The following VGLL3 variants were observed in gnomAD, a reference collection of about 807,000 sequenced individuals.
VGLL3 encodes vestigial like family member 3, also known as transcription cofactor vestigial-like protein 3.
In VGLL3, 18 loss-of-function variants were observed where a neutral mutation model predicts 29.2. The observed-to-expected ratio is 0.62, with a 90% confidence interval of 0.43 to 0.91. The LOEUF is 0.91. Ranked by LOEUF, VGLL3 falls within the 40% of genes least tolerant of loss-of-function variation. VGLL3 has a pLI of 0.00. For synonymous variants in VGLL3, 180 were observed against 151.8 expected, an observed-to-expected ratio of 1.19 and a Z score of -1.36; for missense variants, 440 against 413.2, an observed-to-expected ratio of 1.06 and a Z score of -0.56.
At chr3:86,957,067 C>CGTAAGCATAATGGGATA (rs1212772939) in intron 3 of VGLL3, among the ~76,000 whole-genome samples, 3 of 151,980 alleles carry the variant, frequency 2.0e-5, no homozygotes, top group Non-Finnish European at 4.4e-5. Flanking sequence ...CTCAACAATA[C>CGTAAGCATAATGGGATA]GTAAGCATAA....
At position 86,941,244 on chromosome 3, in the gene VGLL3, T is replaced by A. The variant is rs1180255929; in HGVS notation, c.*5780A>T. 1 of 152,432 alleles carries A rather than the reference T, an allele frequency of 6.6e-6. No homozygotes were observed. The highest frequency in any genetic ancestry group is 6.6e-5 in the Admixed American group (1 of 15,252). The allele number at this position is 152,432 out of a possible 1,614,324, so 9.4% of individuals were successfully genotyped here. ...CAGATATAATATCCAATATTATACA[T>A]ATCCTAAGAAATTAAATCAATTGTG... On this transcript the variant is annotated 3_prime_UTR_variant, in exon 4 of 4. Transcript: ENST00000398399.
Position 86,940,057 on chromosome 3 carries a change from A to G in VGLL3, c.*6967T>C, listed in dbSNP as rs1704361372. ...TGACACCACATTCTAAATATGGTAG[A>G]CAGTTAAAAAGCCTGCGCCAAATTA... On this transcript the variant is annotated 3_prime_UTR_variant, in exon 4 of 4. Transcript: ENST00000398399. The G allele has an allele frequency of 6.6e-6, 1 of 152,228 alleles. No individual in the cohort carries two copies. The highest frequency in any genetic ancestry group is 1.5e-5 in the Non-Finnish European group (1 of 68,042). The allele number at this position is 152,228 out of a possible 1,614,324, so 9.4% of individuals were successfully genotyped here. A position where few individuals can be genotyped will look rare whatever the true frequency, so the allele number is the denominator to read the frequency against.
rs1704498881 is a variant in VGLL3, at chr3:86,946,008, A to T, written c.*1016T>A. 6.6e-6 allele frequency: 1 copy of T among 152,158 alleles called. No individual in the cohort carries two copies. The highest frequency in any genetic ancestry group is 6.5e-5 in the Admixed American group (1 of 15,268). The allele number at this position is 152,158 out of a possible 1,614,324, so 9.4% of individuals were successfully genotyped here. ...AAAAACAAATCCCACTTAAAATATG[A>T]CTTTTTAAATTGCCATGAATGAATA... is the stretch of plus-strand genomic sequence containing the variant. On this transcript the variant is annotated 3_prime_UTR_variant, in exon 4 of 4. Transcript: ENST00000398399.
chr3:86,948,157 A>T (rs997955729), intron 3 of VGLL3, among the ~76,000 whole-genome samples: 1 of 152,160 alleles, frequency 6.6e-6, no homozygotes, highest in Non-Finnish European at 1.5e-5. Context: ...AACACAGAAT[A>T]ATAGGTGCTT....
chr3:86,969,092 A>G lies in VGLL3; in HGVS notation c.435T>C (p.Ser145=). 2 of 1,607,146 alleles carry G rather than the reference A, an allele frequency of 1.2e-6. No individual in the cohort carries two copies. The highest frequency in any genetic ancestry group is 1.7e-6 in the Non-Finnish European group (2 of 1,175,278). ...DSSALSSQRN[S]FPTSFWTSSY... ...AGCTGGTCCAAAAGGAAGTTGGGAA[A>G]CTATTCCGCTGGCTTGAGAGAGCTG... The change falls in exon 3 of 4, where the codon AGT becomes AGC. Residue 145 remains serine, a synonymous_variant. Coordinates refer to ENST00000398399, the MANE Select transcript of VGLL3 (RefSeq NM_016206.4).
Position 86,941,656 on chromosome 3 carries a change from T to TA in VGLL3, c.*5367dup. ...TACTTTGACCAATACTTTAAAACTA[T>TA]AAAAGTATTTTTAAACAAAAAAGCA... On this transcript the variant is annotated 3_prime_UTR_variant, in exon 4 of 4. Coordinates refer to ENST00000398399, the MANE Select transcript of VGLL3 (RefSeq NM_016206.4). The TA allele has an allele frequency of 6.6e-6, 1 of 151,986 alleles. No homozygotes were observed. The highest frequency in any genetic ancestry group is 1.5e-5 in the Non-Finnish European group (1 of 67,966). 9.4% of individuals were successfully genotyped at this position (151,986 alleles called of 1,614,324 possible).
At chr3:86,955,258 TAAGTA>T (rs1559721571) in intron 3 of VGLL3, among the ~76,000 whole-genome samples, 1 of 152,182 alleles carries the variant, frequency 6.6e-6, no homozygotes, top group African/African-American at 2.4e-5. Flanking sequence ...CTATTTGATA[TAAGTA>T]ATCAATCTCT....
rs1276804227 is a variant in VGLL3, at chr3:86,943,161, G to A, written c.*3863C>T. On this transcript the variant is annotated 3_prime_UTR_variant, in exon 4 of 4. Coordinates refer to ENST00000398399, the MANE Select transcript of VGLL3 (RefSeq NM_016206.4). ...GAATTTAGAGAATGGCCTAACAGCC[G>A]AGTTCTTTTCCATTAATTCATTCTG... 2 of 152,140 alleles carry A rather than the reference G, an allele frequency of 1.3e-5. No individual in the cohort carries two copies. The highest frequency in any genetic ancestry group is 6.5e-5 in the Admixed American group (1 of 15,278). 9.4% of individuals were successfully genotyped at this position (152,140 alleles called of 1,614,324 possible). A position where few individuals can be genotyped will look rare whatever the true frequency, so the allele number is the denominator to read the frequency against.
chr3:86,948,605 G>T (rs989156633), intron 3 of VGLL3, among the ~76,000 whole-genome samples: 1 of 151,956 alleles, frequency 6.6e-6, no homozygotes, highest in Admixed American at 6.5e-5. Context: ...TTTTAAAAAA[G>T]CAGCATCTCA....
At position 86,952,206 on chromosome 3, in the gene VGLL3, C is replaced by T. The variant is rs141420023; in HGVS notation, c.938-5139G>A. On this transcript the variant is annotated intron_variant, in intron 3 of 3. Transcript: ENST00000398399. ...TTGTTTTAAACTGAGAATAACGGAGCTGCCAGTGGATTGAACTAAGAATAA... is the reference window on the plus strand; with the variant it reads ...TTGTTTTAAACTGAGAATAACGGAGTTGCCAGTGGATTGAACTAAGAATAA... Among the ~76,000 whole-genome samples the T allele has an allele frequency of 3.4e-3, 514 of 152,226 alleles. 5 individuals are homozygous for T. The highest frequency in any genetic ancestry group is 0.012 in the African/African-American group (480 of 41,544).
intron 2 of VGLL3, among the ~76,000 whole-genome samples, chr3:86,972,953 A>G (rs1705134127): frequency 6.6e-6 from 1 of 152,186 alleles, no homozygotes; most frequent in South Asian, 2.1e-4. Flanking sequence ...AAATCCACTA[A>G]AAGCAAACCC....
At chr3:86,983,100 C>T (rs902303687) in intron 1 of VGLL3, among the ~76,000 whole-genome samples, 31 of 152,250 alleles carry the variant, frequency 2.0e-4, no homozygotes, top group African/African-American at 7.0e-4. Context: ...CCACTAACTC[C>T]CCAAGGCTTA....
At chr3:86,989,839 C>T (rs889112352) in intron 1 of VGLL3, among the ~76,000 whole-genome samples, 10 of 152,162 alleles carry the variant, frequency 6.6e-5, no homozygotes, top group Non-Finnish European at 1.0e-4. Flanking sequence ...TGCCAAATTC[C>T]CCAGAACTCT....
intron 2 of VGLL3, among the ~76,000 whole-genome samples, chr3:86,971,692 G>A (rs186812327): frequency 1.6e-4 from 25 of 152,294 alleles, no homozygotes; most frequent in African/African-American, 4.8e-4. Context: ...AAGGAAAGTC[G>A]TGTAAGTTGT....
At chr3:86,987,867 T>G (rs1401126825) in intron 1 of VGLL3, among the ~76,000 whole-genome samples, 1 of 152,200 alleles carries the variant, frequency 6.6e-6, no homozygotes, top group Non-Finnish European at 1.5e-5. Flanking sequence ...ACCTACAACA[T>G]GCAATATGTT....
intron 2 of VGLL3, among the ~76,000 whole-genome samples, chr3:86,970,560 A>T (rs1346389921): frequency 6.6e-6 from 1 of 152,064 alleles, no homozygotes; most frequent in Non-Finnish European, 1.5e-5. Flanking sequence ...AAAGAGTTCC[A>T]TAGGCAGAAG....
rs1328848355 is a variant in VGLL3 at position 86,990,695 on chromosome 3, G to A, written c.49C>T (p.Gln17Ter). 1 of 1,432,144 alleles carries A rather than the reference G, an allele frequency of 7.0e-7. No homozygotes were observed. The highest frequency in any genetic ancestry group is 9.2e-7 in the Non-Finnish European group (1 of 1,092,628). 88.7% of individuals were successfully genotyped at this position (1,432,144 alleles called of 1,614,324 possible). A position where few individuals can be genotyped will look rare whatever the true frequency, so the allele number is the denominator to read the frequency against. Reference protein sequence around the residue: ...MYHPQPYGASQYLPNPMAATT... With the variant: ...MYHPQPYGAS ...GCTGCCATGGGGTTGGGCAGATACT[G>A]GGACGCTCCATAAGGCTGGGGGTGA... Residue 17 changes from glutamine to a stop codon, truncating the protein, a stop_gained, in exon 1 of 4, where the codon CAG becomes TAG. Transcript: ENST00000398399. LOFTEE classifies it high-confidence loss of function.
intron 2 of VGLL3, among the ~76,000 whole-genome samples, chr3:86,970,355 A>C (rs1282249284): frequency 6.6e-6 from 1 of 152,134 alleles, no homozygotes; most frequent in African/African-American, 2.4e-5. Flanking sequence ...AACAGGAAGC[A>C]CAGAGAGCCC....
At chr3:86,949,854 A>AAAAG (rs1324389576) in intron 3 of VGLL3, among the ~76,000 whole-genome samples, 2 of 151,562 alleles carry the variant, frequency 1.3e-5, no homozygotes, top group African/African-American at 2.4e-5. Context: ...AAAAGAAAAG[A>AAAAG]AAAGAAAGAA....
Sources: allele counts gnomAD v4.1 joint callset (sites outside exome capture counted in the v4.1 genomes callset), GRCh38; gene constraint gnomAD v4.1.1; transcripts MANE v1.5; gene names NCBI Gene and HGNC (gene_info 2026-07-23, HGNC 2026-07-21).